Variants in XKR4 observed in about 807,000 individuals in gnomAD.
XKR4 encodes XK related 4.
A neutral mutation model predicts 53.9 loss-of-function variants in XKR4; 12 were observed. The ratio of observed to expected loss-of-function variants is 0.22; its 90% CI spans 0.14 to 0.36. The LOEUF (loss-of-function observed/expected upper bound fraction) is 0.36, where lower values mean the gene tolerates loss of function less well. Among genes scored for constraint, XKR4 ranks in the 10% least tolerant of loss-of-function variants. The pLI is 1.00. For synonymous variants in XKR4, 354 were observed against 362.4 expected (o/e 0.98, Z 0.26); for missense variants, 799 against 859.5 (o/e 0.93, Z 0.88).
chr8:55,176,442 G>A (rs1817235872), intron 1 of XKR4, among the ~76,000 whole-genome samples: 1 of 152,258 alleles, frequency 6.6e-6, no homozygotes, highest in Middle Eastern at 3.4e-3. Context: ...GCTGGGCACT[G>A]GGGTGTGAGT....
At chr8:55,454,768 AGCGTCTTTG>A in intron 2 of XKR4, 2 of 780,264 alleles carry the variant, frequency 2.6e-6, no homozygotes, top group Non-Finnish European at 4.7e-6. Context: ...CACAGGTACC[AGCGTCTTTG>A]GGGCAAACAT....
intron 1 of XKR4, among the ~76,000 whole-genome samples, chr8:55,206,480 C>T (rs1817652785): frequency 6.6e-6 from 1 of 152,154 alleles, no homozygotes. Context: ...ACTTATGAAG[C>T]ATGTAAAATT....
At chr8:55,417,108 G>T (rs988018302) in intron 2 of XKR4, among the ~76,000 whole-genome samples, 1 of 152,178 alleles carries the variant, frequency 6.6e-6, no homozygotes, top group African/African-American at 2.4e-5. Context: ...GATTTAATGA[G>T]CAGCGAAGGC....
intron 2 of XKR4, among the ~76,000 whole-genome samples, chr8:55,372,218 T>C (rs1433870464): frequency 6.6e-6 from 1 of 152,218 alleles, no homozygotes; most frequent in African/African-American, 2.4e-5. Flanking sequence ...CCCCAAACAC[T>C]GGCTGCTTGT....
At position 55,539,425 on chromosome 8, in the gene XKR4, A is replaced by G. The variant is rs1807072169; in HGVS notation, c.*15198A>G. 1 of 152,202 alleles carries G rather than the reference A, an allele frequency of 6.6e-6. No individual in the cohort carries two copies. The highest frequency in any genetic ancestry group is 6.5e-5 in the Admixed American group (1 of 15,278). The allele number at this position is 152,202 out of a possible 1,614,324, so 9.4% of individuals were successfully genotyped here. ...AAATCATCTTGTGCTTGGAGCTGAC[A>G]TAAGATACGCACTCAATATAATCTC... is the stretch of plus-strand genomic sequence containing the variant. On this transcript the variant is annotated 3_prime_UTR_variant, in exon 3 of 3. Transcript: ENST00000327381.
chr8:55,358,134 G>A (rs1803847321), intron 2 of XKR4, among the ~76,000 whole-genome samples: 1 of 152,156 alleles, frequency 6.6e-6, no homozygotes, highest in South Asian at 2.1e-4. Flanking sequence ...TTTACACTTG[G>A]TCGATGTGGG....
At chr8:55,452,471 C>G (rs934415723) in intron 2 of XKR4, 2 of 631,320 alleles carry the variant, frequency 3.2e-6, no homozygotes, top group Non-Finnish European at 5.8e-6. Flanking sequence ...CACGCCCATC[C>G]GGTGGCAGGT....
intron 2 of XKR4, among the ~76,000 whole-genome samples, chr8:55,409,344 C>A (rs76479897): frequency 0.017 from 2,524 of 152,322 alleles, 29 homozygotes; most frequent in Middle Eastern, 0.037. Flanking sequence ...GAAGAAACTT[C>A]AACTGTGGGA....
chr8:55,332,837 T>G (rs1439589695), intron 1 of XKR4, among the ~76,000 whole-genome samples: 6 of 152,010 alleles, frequency 3.9e-5, no homozygotes, highest in Non-Finnish European at 8.8e-5. Flanking sequence ...TTCATTTTTT[T>G]TTTTACTGGA....
intron 1 of XKR4, among the ~76,000 whole-genome samples, chr8:55,289,381 G>C (rs1394666046): frequency 6.6e-6 from 1 of 151,550 alleles, no homozygotes; most frequent in Non-Finnish European, 1.5e-5. Context: ...TGGTCGTGGT[G>C]GTGGGTTCCT....
intron 2 of XKR4, among the ~76,000 whole-genome samples, chr8:55,427,275 A>C (rs900288905): frequency 6.6e-6 from 1 of 152,262 alleles, no homozygotes; most frequent in African/African-American, 2.4e-5. Context: ...GAAAAGTTAA[A>C]AAATAAAAGG....
chr8:55,429,156 G>C (rs894475066), intron 2 of XKR4, among the ~76,000 whole-genome samples: 1 of 152,164 alleles, frequency 6.6e-6, no homozygotes, highest in Admixed American at 6.6e-5. Context: ...AGATGTGATG[G>C]CAATTTAATA....
chr8:55,376,626 G>C (rs1001303099), intron 2 of XKR4, among the ~76,000 whole-genome samples: 5 of 151,844 alleles, frequency 3.3e-5, no homozygotes, highest in Non-Finnish European at 5.9e-5. Context: ...CTGGATATTA[G>C]ACTTTTGTCA....
chr8:55,417,725 A>T (rs1237957017), intron 2 of XKR4, among the ~76,000 whole-genome samples: 1 of 152,180 alleles, frequency 6.6e-6, no homozygotes, highest in East Asian at 1.9e-4. Context: ...AGGTATCATC[A>T]TTATCTGTTA....
intron 1 of XKR4, among the ~76,000 whole-genome samples, chr8:55,248,516 T>G (rs1014151865): frequency 1.3e-5 from 2 of 152,214 alleles, no homozygotes; most frequent in Non-Finnish European, 2.9e-5. Flanking sequence ...TTATCATATA[T>G]CAAAACAATA....
At chr8:55,517,082 A>G (rs1387201045) in intron 2 of XKR4, among the ~76,000 whole-genome samples, 1 of 152,130 alleles carries the variant, frequency 6.6e-6, no homozygotes, top group Non-Finnish European at 1.5e-5. Context: ...CAATGGGTAC[A>G]TGTGGACATA....
intron 1 of XKR4, among the ~76,000 whole-genome samples, chr8:55,353,968 G>A (rs1226384576): frequency 2.0e-5 from 3 of 152,158 alleles, no homozygotes; most frequent in East Asian, 3.8e-4. Context: ...GGTATGTTCT[G>A]CAAATATGGT....
At chr8:55,279,670 G>A (rs748649915) in intron 1 of XKR4, among the ~76,000 whole-genome samples, 7 of 152,138 alleles carry the variant, frequency 4.6e-5, no homozygotes, top group East Asian at 1.9e-4. Context: ...TCCAATGCTC[G>A]TAGAGTGAGC....
At chr8:55,421,848 G>C (rs1369757809) in intron 2 of XKR4, among the ~76,000 whole-genome samples, 4 of 152,200 alleles carry the variant, frequency 2.6e-5, no homozygotes, top group Admixed American at 6.5e-5. Context: ...AGACACTAGG[G>C]AAGCAGCTGC....
Sources: gnomAD v4.1 joint callset for allele counts (sites outside exome capture counted in the v4.1 genomes callset) on GRCh38, gnomAD v4.1.1 for gene constraint, MANE v1.5 for transcripts, NCBI Gene and HGNC (gene_info 2026-07-23, HGNC 2026-07-21) for gene names.